The following THSD4 variants were observed in gnomAD, a reference collection of about 807,000 sequenced individuals.
THSD4 encodes thrombospondin type 1 domain containing 4.
THSD4 carries 69 observed loss-of-function variants against 119.0 expected under a neutral mutation model. The ratio of observed to expected loss-of-function variants is 0.58; its 90% CI spans 0.48 to 0.71. THSD4 has a LOEUF of 0.71. Among genes scored for constraint, THSD4 ranks in the 30% least tolerant of loss-of-function variants. THSD4 has a pLI of 0.00. For missense variants in THSD4, 1,393 were observed against 1,391.1 expected (o/e 1.00, Z -0.02); for synonymous variants, 524 against 540.4 (o/e 0.97, Z 0.42).
intron 1 of THSD4, among the ~76,000 whole-genome samples, chr15:71,128,562 C>G (rs558527613): frequency 6.9e-6 from 1 of 145,108 alleles, no homozygotes; most frequent in Admixed American, 6.9e-5. Context: ...AAAGATCTAA[C>G]ATTTTTGTCT....
intron 7 of THSD4, among the ~76,000 whole-genome samples, chr15:71,413,420 C>T (rs2046716873): frequency 6.6e-6 from 1 of 152,120 alleles, no homozygotes; most frequent in Non-Finnish European, 1.5e-5. Flanking sequence ...TATTTTTTTG[C>T]CCATTAACCA....
chr15:71,238,635 T>C lies in THSD4; in HGVS notation c.465-4014T>C, dbSNP rs539331081. On this transcript the variant is annotated intron_variant, in intron 4 of 17. Transcript: ENST00000261862. ...ATGTTACAGTATATATCAGCACTTA[T>C]GGCTGAATAATAATCCACTCTGTGG... 3.9e-5 allele frequency among the ~76,000 whole-genome samples: 6 copies of C among 152,370 alleles called. 1 individual carries two copies. The highest frequency in any genetic ancestry group is 4.1e-4 in the South Asian group (2 of 4,832).
chr15:71,519,072 T>A (rs925931974), intron 7 of THSD4, among the ~76,000 whole-genome samples: 2 of 152,210 alleles, frequency 1.3e-5, no homozygotes, highest in Admixed American at 6.5e-5. Flanking sequence ...TGCTTTATGT[T>A]GGGAGCTCTC....
chr15:71,236,018 G>C (rs964265918), intron 4 of THSD4, among the ~76,000 whole-genome samples: 3 of 152,154 alleles, frequency 2.0e-5, no homozygotes, highest in African/African-American at 7.2e-5. Flanking sequence ...CCACTTTACT[G>C]TGGGGTTCTC....
chr15:71,559,090 A>C (rs1320505043), intron 7 of THSD4, among the ~76,000 whole-genome samples: 1 of 152,176 alleles, frequency 6.6e-6, no homozygotes, highest in Non-Finnish European at 1.5e-5. Flanking sequence ...AAGGTTGTAG[A>C]TTAGGTTGTT....
intron 8 of THSD4, among the ~76,000 whole-genome samples, chr15:71,721,976 CA>C (rs3086728): frequency 4.8e-4 from 68 of 141,554 alleles, no homozygotes; most frequent in African/African-American, 6.5e-4. Flanking sequence ...GTCCCTGTCT[CA>C]AAAAAAAAAA....
chr15:71,186,358 G>A (rs2043603225), intron 3 of THSD4: 1 of 152,210 alleles, frequency 6.6e-6, no homozygotes, highest in African/African-American at 2.4e-5. Flanking sequence ...CCATGGTTTT[G>A]GGATTTCAAC....
At chr15:71,644,611 T>C (rs755253913) in intron 7 of THSD4, among the ~76,000 whole-genome samples, 11 of 152,224 alleles carry the variant, frequency 7.2e-5, no homozygotes, top group Non-Finnish European at 1.5e-4. Flanking sequence ...TTTTAGCTTT[T>C]ATTTTTTAAA....
chr15:71,467,687 T>C (rs2047518913), intron 7 of THSD4, among the ~76,000 whole-genome samples: 1 of 152,028 alleles, frequency 6.6e-6, no homozygotes, highest in African/African-American at 2.4e-5. Flanking sequence ...AAAGGTGATA[T>C]GGTTTGGCTG....
intron 6 of THSD4, among the ~76,000 whole-genome samples, chr15:71,370,895 T>C (rs2046036977): frequency 6.6e-6 from 1 of 152,180 alleles, no homozygotes; most frequent in Non-Finnish European, 1.5e-5. Context: ...AGTCTCCCAT[T>C]ATTATTGTGT....
At chr15:71,625,983 A>G (rs1014238734) in intron 7 of THSD4, among the ~76,000 whole-genome samples, 3 of 152,236 alleles carry the variant, frequency 2.0e-5, no homozygotes, top group African/African-American at 7.2e-5. Flanking sequence ...ATTGTGGCAC[A>G]TCTCTCCAGT....
At chr15:71,454,514 C>A (rs991178592) in intron 7 of THSD4, among the ~76,000 whole-genome samples, 6 of 152,184 alleles carry the variant, frequency 3.9e-5, no homozygotes, top group African/African-American at 1.4e-4. Flanking sequence ...GCCCGAGGCC[C>A]CGCGTGTGAC....
intron 4 of THSD4, among the ~76,000 whole-genome samples, chr15:71,218,375 CTTCTT>C (rs1182860247): frequency 6.6e-6 from 1 of 152,140 alleles, no homozygotes; most frequent in Non-Finnish European, 1.5e-5. Flanking sequence ...GGGAAAGAGG[CTTCTT>C]GAAAGCCTCT....
chr15:71,280,312 T>A (rs2044636855), intron 6 of THSD4, among the ~76,000 whole-genome samples: 1 of 152,148 alleles, frequency 6.6e-6, no homozygotes, highest in African/African-American at 2.4e-5. Flanking sequence ...CTAAAGAAAC[T>A]GGACTGCCTT....
At chr15:71,428,762 G>C (rs1206689032) in intron 7 of THSD4, among the ~76,000 whole-genome samples, 2 of 152,106 alleles carry the variant, frequency 1.3e-5, no homozygotes, top group African/African-American at 4.8e-5. Flanking sequence ...GTTCCCCAGG[G>C]CCCCAACAGG....
chr15:71,671,637 A>AAT (rs1316693758), intron 8 of THSD4, among the ~76,000 whole-genome samples: 1 of 152,214 alleles, frequency 6.6e-6, no homozygotes, highest in Non-Finnish European at 1.5e-5. Context: ...TAAGTCTTGA[A>AAT]TCCATCTTGA....
intron 7 of THSD4, among the ~76,000 whole-genome samples, chr15:71,526,953 A>G (rs2048530077): frequency 6.6e-6 from 1 of 152,138 alleles, no homozygotes; most frequent in Non-Finnish European, 1.5e-5. Context: ...AAAAATGACC[A>G]TTGCCTTGGT....
chr15:71,319,283 G>A (rs1335002227), intron 6 of THSD4, among the ~76,000 whole-genome samples: 1 of 152,046 alleles, frequency 6.6e-6, no homozygotes, highest in African/African-American at 2.4e-5. Flanking sequence ...GGGTACATGT[G>A]CACAACGTGC....
At chr15:71,137,475 A>G (rs1349457573) in intron 1 of THSD4, among the ~76,000 whole-genome samples, 1 of 152,204 alleles carries the variant, frequency 6.6e-6, no homozygotes, top group Non-Finnish European at 1.5e-5. Flanking sequence ...TCTGGCTGGG[A>G]TCCACAGTAA....
Sources: gnomAD v4.1 joint callset for allele counts (sites outside exome capture counted in the v4.1 genomes callset) on GRCh38, gnomAD v4.1.1 for gene constraint, MANE v1.5 for transcripts, NCBI Gene and HGNC (gene_info 2026-07-23, HGNC 2026-07-21) for gene names.